The following COL18A1 variants were observed in gnomAD, a reference collection of about 807,000 sequenced individuals.
COL18A1 encodes the protein collagen type XVIII alpha 1 chain, also known as collagen alpha-1(XVIII) chain.
A neutral mutation model predicts 168.0 loss-of-function variants in COL18A1; 133 were observed. The ratio of observed to expected loss-of-function variants is 0.79; its 90% CI spans 0.69 to 0.91. The LOEUF (loss-of-function observed/expected upper bound fraction) is 0.91. COL18A1 is among the 40% of genes least tolerant of loss of function. COL18A1 has a pLI of 0.00. For missense variants in COL18A1, 2,126 were observed against 1,925.4 expected, an observed-to-expected ratio of 1.10 and a Z score of -1.95; for synonymous variants, 949 against 809.0, an observed-to-expected ratio of 1.17 and a Z score of -2.94.
intron 2 of COL18A1, among the ~76,000 whole-genome samples, chr21:45,438,853 T>G (rs1409672224): frequency 6.6e-6 from 1 of 152,212 alleles, no homozygotes; most frequent in East Asian, 1.9e-4. Context: ...GATGCCCACA[T>G]GTGACTTGGC....
Position 45,498,594 on chromosome 21 carries a change from G to A in COL18A1, c.2683+933G>A, listed in dbSNP as rs1324029755. ...CCAGGCAGGCAGAGGCCGAGTCTGGGCCGGGACATCCTTAAGGCCTGTGGA... is the reference window on the plus strand; with the variant it reads ...CCAGGCAGGCAGAGGCCGAGTCTGGACCGGGACATCCTTAAGGCCTGTGGA... On this transcript the variant is annotated intron_variant, in intron 32 of 41. Coordinates refer to ENST00000651438, the MANE Select transcript of COL18A1 (RefSeq NM_001379500.1). The surrounding 1 kb of genome is among the most constrained non-coding windows in gnomAD (Gnocchi z 4.5). 1 of 715,818 alleles carries A rather than the reference G, an allele frequency of 1.4e-6. No individual in the cohort carries two copies. Among genetic ancestry groups the A allele is most frequent in the Non-Finnish European group, 2.6e-6 (1 of 384,124 alleles). The allele number at this position is 715,818 out of a possible 1,614,324, so 44.3% of individuals were successfully genotyped here.
intron 5 of COL18A1, 91 bp from the exon 6 acceptor site, chr21:45,476,260 C>T (rs963006163): frequency 1.3e-5 from 21 of 1,564,692 alleles, no homozygotes; most frequent in South Asian, 3.4e-5. Context: ...ATCTTTCTTG[C>T]GATCTTAAGT....
At position 45,505,166 on chromosome 21, in the gene COL18A1, C is replaced by T. The variant is rs555990845; in HGVS notation, c.2901C>T (p.Pro967=). 1.3e-5 allele frequency: 21 copies of T among 1,607,590 alleles called. No homozygotes were observed. Among genetic ancestry groups the T allele is most frequent in the Middle Eastern group, 3.3e-4 (2 of 6,064 alleles). The part of the protein sequence containing the change: ...GPKGESIRGQ[P]GPPGPQGPPG... Reference sequence around the variant, plus strand: ...AGGGAGAGAGCATCCGGGGCCAGCCCGGCCCACCTGGACCTCAGGGACCCC... The same window carrying T: ...AGGGAGAGAGCATCCGGGGCCAGCCTGGCCCACCTGGACCTCAGGGACCCC... Residue 967 remains proline (P), a synonymous_variant, in exon 35 of 42, where the codon CCC becomes CCT. Transcript: ENST00000651438.
chr21:45,421,865 C>T (rs1471167433), intron 2 of COL18A1, among the ~76,000 whole-genome samples: 1 of 152,184 alleles, frequency 6.6e-6, no homozygotes, highest in South Asian at 2.1e-4. Context: ...TTGCACCCCT[C>T]TGGAATTCCT....
chr21:45,411,958 C>T, intron 2 of COL18A1, among the ~76,000 whole-genome samples: 1 of 152,152 alleles, frequency 6.6e-6, no homozygotes, highest in East Asian at 1.9e-4. Flanking sequence ...CATTGCCATG[C>T]GGGCAAACAT....
chr21:45,479,252 A>T (rs886375637), intron 9 of COL18A1, among the ~76,000 whole-genome samples: 1 of 151,910 alleles, frequency 6.6e-6, no homozygotes, highest in Non-Finnish European at 1.5e-5. Flanking sequence ...CACACCACAC[A>T]TTACACACCA....
rs1048114702 is a variant in COL18A1 at position 45,477,980 on chromosome 21, C to A, written c.1221+15C>A. The A allele has an allele frequency of 3.0e-6, 4 of 1,332,036 alleles. No homozygotes were observed. Among genetic ancestry groups the A allele is most frequent in the East Asian group, 2.5e-5 (1 of 39,896 alleles). The allele number at this position is 1,332,036 out of a possible 1,614,324, so 82.5% of individuals were successfully genotyped here. On this transcript the variant is annotated intron_variant, in intron 8 of 41. Transcript: ENST00000651438. ...ACGGCGAGCCGGTGAGTCCTCACGT[C>A]CCCCCGAGTCCGGCCCGGTCTGGAG...
At chr21:45,419,519 G>T (rs568652628) in intron 2 of COL18A1, among the ~76,000 whole-genome samples, 1 of 152,092 alleles carries the variant, frequency 6.6e-6, no homozygotes, top group Non-Finnish European at 1.5e-5. Context: ...GGGCCCTGGG[G>T]TGGGAGCTGG....
In COL18A1 at chr21:45,504,569, CTG is replaced by C; in HGVS notation, c.2868+16_2868+17del. ...CCCTGGGATTCCAGTAAGTCCCAGC[CTG>C]TGCAGGCAGAGCCCATGTCCCAGGG... On this transcript the variant is annotated intron_variant, in intron 34 of 41. Transcript: ENST00000651438. The C allele has an allele frequency of 6.4e-7, 1 of 1,565,952 alleles. No homozygotes were observed. The highest frequency in any genetic ancestry group is 8.6e-7 in the Non-Finnish European group (1 of 1,156,818).
chr21:45,493,376 G>A, intron 25 of COL18A1, 125 bp from the exon 26 acceptor site: 1 of 1,277,532 alleles, frequency 7.8e-7, no homozygotes, highest in African/African-American at 1.5e-5. Flanking sequence ...CGTCCCTGTG[G>A]TCACCTCCCG....
At chr21:45,510,436 C>T (rs979080202) in intron 40 of COL18A1, among the ~76,000 whole-genome samples, 175 bp downstream of exon 40, 2 of 152,156 alleles carry the variant, frequency 1.3e-5, no homozygotes, top group African/African-American at 4.8e-5. Flanking sequence ...CCTCCAGGCT[C>T]AGGCCAGGCC....
chr21:45,428,477 G>A (rs2033868672), intron 2 of COL18A1, among the ~76,000 whole-genome samples: 1 of 152,196 alleles, frequency 6.6e-6, no homozygotes, highest in Non-Finnish European at 1.5e-5. Context: ...TTTAAGTTGA[G>A]GTGAAATTCA....
intron 21 of COL18A1, 82 bp downstream of exon 21, chr21:45,490,953 G>A (rs754706229): frequency 2.8e-5 from 37 of 1,332,254 alleles, no homozygotes; most frequent in South Asian, 3.8e-5. Context: ...CCCCAGGTCC[G>A]TGCCCCTGCT....
chr21:45,487,130 A>G (rs2036141963), intron 16 of COL18A1, 138 bp downstream of exon 16: 9 of 900,784 alleles, frequency 1.0e-5, no homozygotes, highest in Admixed American at 2.9e-5. Flanking sequence ...CTGGGATTCC[A>G]TATTCCGCAT....
rs1328351469 is a variant in COL18A1, at chr21:45,478,077, G to C, written c.1221+112G>C. The C allele has an allele frequency of 4.0e-6, 3 of 753,158 alleles. No homozygotes were observed. In the African/African-American group the frequency reaches 5.2e-5, roughly 13 times the overall value. 46.7% of individuals were successfully genotyped at this position (753,158 alleles called of 1,614,324 possible). A position where few individuals can be genotyped will look rare whatever the true frequency, so the allele number is the denominator to read the frequency against. On this transcript the variant is annotated intron_variant, in intron 8 of 41. Transcript: ENST00000651438. The stretch of plus-strand genomic sequence containing the variant: ...GTGAGCTGAGCTGGGATCGGGGCAG[G>C]TCAGCAGCCTCCTTAGGCCCACCGT...
At chr21:45,422,532 G>C (rs764185605) in intron 2 of COL18A1, 2 of 520,338 alleles carry the variant, frequency 3.8e-6, no homozygotes, top group Non-Finnish European at 7.9e-6. Flanking sequence ...ACCTCGCGCC[G>C]TGCCAGGACC....
rs1037764498 is a variant in COL18A1 at position 45,473,112 on chromosome 21, G to A, written c.652-783G>A. On this transcript the variant is annotated intron_variant, in intron 3 of 41. Transcript: ENST00000651438. The surrounding 1 kb of genome is among the most constrained non-coding windows in gnomAD (Gnocchi z 4.0). Reference sequence around the variant, plus strand: ...CCTGGCAGCCCCTTTTCCTGTCAAAGCCCCTCCCAGCGTCCTCTCCCCACC... The same window carrying A: ...CCTGGCAGCCCCTTTTCCTGTCAAAACCCCTCCCAGCGTCCTCTCCCCACC... 8.5e-5 allele frequency among the ~76,000 whole-genome samples: 13 copies of A among 152,222 alleles called. No individual in the cohort carries two copies. The highest frequency in any genetic ancestry group is 3.1e-4 in the African/African-American group (13 of 41,460).
rs769618373 is a variant in COL18A1, at chr21:45,478,336, G to A, written c.1231G>A (p.Gly411Ser). 14 of 1,614,168 alleles carry A rather than the reference G, an allele frequency of 8.7e-6. No homozygotes were observed. Among genetic ancestry groups the A allele is most frequent in the South Asian group, 2.2e-5 (2 of 91,084 alleles). Residue 411 changes from glycine (G) to serine (S), a missense_variant, in exon 9 of 42, where the codon GGT becomes AGT. Coordinates refer to ENST00000651438, the MANE Select transcript of COL18A1 (RefSeq NM_001379500.1). ...TCTCTTGCACACCCAGGGCGACCCC[G>A]GTGAAGACGGAAAGCCGGTGAGTCT... ...PGRDGEPGDP[G>S]EDGKPGDTGP...
intron 2 of COL18A1, among the ~76,000 whole-genome samples, chr21:45,432,331 C>T (rs1429434940): frequency 1.3e-5 from 2 of 152,198 alleles, no homozygotes; most frequent in African/African-American, 2.4e-5. Context: ...TTGCAGATGC[C>T]GCTGAGGGAC....
Sources: gnomAD v4.1 joint callset for allele counts (sites outside exome capture counted in the v4.1 genomes callset) on GRCh38, gnomAD v4.1.1 for gene constraint, Gnocchi (gnomAD v3.1) non-coding constraint, MANE v1.5 for transcripts, NCBI Gene and HGNC (gene_info 2026-07-23, HGNC 2026-07-21) for gene names.